The following MFF variants were observed in gnomAD, a reference collection of about 807,000 sequenced individuals.
The protein encoded by MFF is chromosome 2 open reading frame 33.
Under a neutral mutation model 36.9 loss-of-function variants are expected in MFF, and 12 were observed. The observed-to-expected ratio is 0.33, with a 90% confidence interval of 0.21 to 0.53. The LOEUF (loss-of-function observed/expected upper bound fraction) is 0.53. Among genes scored for constraint, MFF ranks in the 20% least tolerant of loss-of-function variants. MFF has a pLI of 0.95. For missense variants in MFF, 348 were observed against 366.6 expected (o/e 0.95, Z 0.42); for synonymous variants, 99 against 126.2 (o/e 0.78, Z 1.44).
rs572787657 is a variant in MFF at position 227,331,959 on chromosome 2, A to ATATTTTT, written c.182-459_182-458insATTTTTT. Among the ~76,000 whole-genome samples the ATATTTTT allele has an allele frequency of 3.7e-3, 285 of 76,834 alleles. 55 individuals carry two copies. Among genetic ancestry groups the ATATTTTT allele is most frequent in the African/African-American group, 0.011 (251 of 21,964 alleles). The allele number at this position is 76,834 out of a possible 152,430, so 50.4% of individuals were successfully genotyped here. On this transcript the variant is annotated intron_variant, in intron 3 of 8. Transcript: ENST00000304593. ...AGTGAAATGTCAATACGCTGGAAGCATTTTTTTTTTTTTTTTTTTTTTTTT... is the reference window on the plus strand; with the variant it reads ...AGTGAAATGTCAATACGCTGGAAGCATATTTTTTTTTTTTTTTTTTTTTTTTTTTTTT...
intron 4 of MFF, among the ~76,000 whole-genome samples, chr2:227,338,595 G>T (rs1254523527): frequency 6.6e-6 from 1 of 151,706 alleles, no homozygotes; most frequent in Non-Finnish European, 1.5e-5. Flanking sequence ...ACTTTGGGAG[G>T]CTGAGGCAGC....
At chr2:227,331,429 G>A (rs976470662) in intron 3 of MFF, among the ~76,000 whole-genome samples, 8 of 152,092 alleles carry the variant, frequency 5.3e-5, no homozygotes, top group African/African-American at 1.2e-4. Flanking sequence ...ATCTTCATTC[G>A]TTGATTGCTT....
chr2:227,356,908 C>A, intron 8 of MFF, 78 bp from the exon 9 acceptor site: 1 of 1,131,930 alleles, frequency 8.8e-7, no homozygotes, highest in Non-Finnish European at 1.3e-6. Flanking sequence ...TATTATACTA[C>A]TTACTTTATA....
chr2:227,335,643 ATTG>A (rs1346298434), intron 4 of MFF, among the ~76,000 whole-genome samples: 19 of 152,228 alleles, frequency 1.2e-4, no homozygotes, highest in African/African-American at 4.3e-4. Context: ...AGCCTATAAA[ATTG>A]TTGTCTGAAA....
chr2:227,325,988 C>T (rs913853276), intron 1 of MFF, among the ~76,000 whole-genome samples: 3 of 152,190 alleles, frequency 2.0e-5, no homozygotes, highest in African/African-American at 7.2e-5. Context: ...CATCCCTGCT[C>T]GCAGATGTGG....
At chr2:227,343,955 CTT>C (rs760056045) in intron 5 of MFF, among the ~76,000 whole-genome samples, 49 of 152,062 alleles carry the variant, frequency 3.2e-4, no homozygotes, top group Non-Finnish European at 6.0e-4. Flanking sequence ...GCCCGGCTAA[CTT>C]TTGTATTTTT....
chr2:227,341,965 G>A (rs745992053), intron 5 of MFF, among the ~76,000 whole-genome samples: 28 of 152,094 alleles, frequency 1.8e-4, no homozygotes, highest in Non-Finnish European at 8.8e-5. Flanking sequence ...TATTATGTAC[G>A]AAAACCAGTC....
chr2:227,332,020 G>A (rs1458419331), intron 3 of MFF, among the ~76,000 whole-genome samples: 1 of 126,844 alleles, frequency 7.9e-6, no homozygotes, highest in East Asian at 2.3e-4. Context: ...CGCCCAGGCT[G>A]GAGTGCAGTG....
In MFF at chr2:227,329,923, T is replaced by TAA. The variant is rs11384091; in HGVS notation, c.-40-693_-40-692dup. 0.35 allele frequency: 137,479 copies of TAA among 396,346 alleles called. 9,588 individuals carry two copies. Among genetic ancestry groups the TAA allele is most frequent in the South Asian group, 0.4 (8,473 of 21,250 alleles). The allele number at this position is 396,346 out of a possible 1,614,324, so 24.6% of individuals were successfully genotyped here. A position where few individuals can be genotyped will look rare whatever the true frequency, so the allele number is the denominator to read the frequency against. On this transcript the variant is annotated intron_variant, in intron 2 of 8. Coordinates refer to ENST00000304593, the MANE Select transcript of MFF (RefSeq NM_001277062.2). ...GGCGGCAACATTCTTTCTACTGCAT[T>TAA]AAAAAAAAAAACACATGTAAATATG...
intron 4 of MFF, among the ~76,000 whole-genome samples, chr2:227,336,113 A>G (rs2074982553): frequency 6.6e-6 from 1 of 152,246 alleles, no homozygotes; most frequent in African/African-American, 2.4e-5. Flanking sequence ...TCCAGAGAAC[A>G]AGAAAGAAGA....
chr2:227,356,876 A>G, intron 8 of MFF, 110 bp from the exon 9 acceptor site: 2 of 848,638 alleles, frequency 2.4e-6, no homozygotes. Context: ...CCATGTTTGT[A>G]ATAATACTTT....
At chr2:227,350,849 A>G (rs1222673181) in intron 6 of MFF, among the ~76,000 whole-genome samples, 1 of 152,196 alleles carries the variant, frequency 6.6e-6, no homozygotes, top group Non-Finnish European at 1.5e-5. Context: ...AATCATACTT[A>G]TCGTAGAAAA....
At chr2:227,342,888 T>C in intron 5 of MFF, 1 of 1,329,358 alleles carries the variant, frequency 7.5e-7, no homozygotes. Context: ...TTAATACTAA[T>C]CTATTCACCA....
At chr2:227,356,141 C>T (rs60622360) in intron 8 of MFF, among the ~76,000 whole-genome samples, 41,955 of 152,074 alleles carry the variant, frequency 0.28, 6,851 homozygotes, top group African/African-American at 0.47. Context: ...TACGTATTTC[C>T]TGTATTCTGT....
At chr2:227,329,639 C>T in intron 2 of MFF, 1 of 791,330 alleles carries the variant, frequency 1.3e-6, no homozygotes, top group South Asian at 1.5e-5. Flanking sequence ...TTATGTACAC[C>T]TCCAAAAAAA....
At chr2:227,340,185 G>T in intron 4 of MFF, 107 bp from the exon 5 acceptor site, 2 of 832,836 alleles carry the variant, frequency 2.4e-6, no homozygotes, top group Non-Finnish European at 3.7e-6. Flanking sequence ...TTCTTAGTTC[G>T]TTGTAAGTTT....
At chr2:227,329,844 G>A in intron 2 of MFF, 2 of 1,178,050 alleles carry the variant, frequency 1.7e-6, no homozygotes, top group Non-Finnish European at 2.4e-6. Flanking sequence ...TGGCTTTAAA[G>A]CTTACTGCCG....
intron 1 of MFF, among the ~76,000 whole-genome samples, chr2:227,326,381 G>A (rs1362977976): frequency 1.3e-5 from 2 of 151,356 alleles, no homozygotes; most frequent in South Asian, 2.1e-4. Flanking sequence ...GCTAATGAGA[G>A]CCCAAAAGAA....
Position 227,357,060 on chromosome 2 carries a change from G to T in MFF, c.819G>T (p.Met273Ile), listed in dbSNP as rs148514577. ...AACGTGCTAAAAGAGAAATGGTCAT[G>T]TATTCAATTACTGTAGCTTTCTGGC... ...NKERAKREMV[M>I]YSITVAFWLL... is the part of the protein sequence containing the mutation. Residue 273 changes from methionine (M) to isoleucine (I), a missense_variant, in exon 9 of 9, where the codon ATG (methionine) becomes ATT (isoleucine). Physicochemically the swap from Met to Ile is conservative, Grantham distance 10 (BLOSUM62 1). Transcript: ENST00000304593. 2.0e-5 allele frequency: 33 copies of T among 1,612,728 alleles called. No individual in the cohort carries two copies. Among genetic ancestry groups the T allele is most frequent in the Non-Finnish European group, 2.4e-5 (28 of 1,179,962 alleles).
Sources: allele counts gnomAD v4.1 joint callset (sites outside exome capture counted in the v4.1 genomes callset), GRCh38; gene constraint gnomAD v4.1.1; transcripts MANE v1.5; gene names NCBI Gene and HGNC (gene_info 2026-07-23, HGNC 2026-07-21).